SLC16A12: variants seen among roughly 807,000 people sequenced by gnomAD.
SLC16A12 encodes solute carrier family 16 member 12.
In SLC16A12, 17 loss-of-function variants were observed where a neutral mutation model predicts 42.4. That is an observed-to-expected ratio of 0.40 (90% CI 0.27 to 0.60). The LOEUF (loss-of-function observed/expected upper bound fraction) is 0.60, where lower values mean the gene tolerates loss of function less well. Among genes scored for constraint, SLC16A12 ranks in the 20% least tolerant of loss-of-function variants. The probability of loss-of-function intolerance (pLI) is 0.42; values close to 1 mark genes in which losing one functional copy is unlikely to be tolerated. For missense variants in SLC16A12, 544 were observed against 623.0 expected (o/e 0.87, Z 1.35); for synonymous variants, 224 against 229.4 (o/e 0.98, Z 0.21).
intron 2 of SLC16A12, among the ~76,000 whole-genome samples, chr10:89,519,431 T>A (rs1843313540): frequency 6.6e-6 from 1 of 152,164 alleles, no homozygotes; most frequent in Non-Finnish European, 1.5e-5. Flanking sequence ...CACTTCGTTT[T>A]CCACGTCAAT....
intron 2 of SLC16A12, among the ~76,000 whole-genome samples, chr10:89,496,186 G>C (rs1303224987): frequency 6.6e-6 from 1 of 151,810 alleles, no homozygotes; most frequent in Non-Finnish European, 1.5e-5. Flanking sequence ...TTCAGGGCAT[G>C]AAAGAACATA....
chr10:89,443,498 C>A (rs796530595), intron 4 of SLC16A12, among the ~76,000 whole-genome samples: 5 of 152,294 alleles, frequency 3.3e-5, no homozygotes, highest in African/African-American at 1.2e-4. Context: ...TATGGAAGAA[C>A]CAAATCTTAC....
chr10:89,480,696 A>G (rs1046733458), intron 2 of SLC16A12, among the ~76,000 whole-genome samples: 4 of 152,160 alleles, frequency 2.6e-5, no homozygotes, highest in African/African-American at 9.6e-5. Context: ...GTACACACAT[A>G]TTTCTTTTCT....
At chr10:89,483,056 G>T (rs1842691713) in intron 2 of SLC16A12, among the ~76,000 whole-genome samples, 1 of 152,170 alleles carries the variant, frequency 6.6e-6, no homozygotes, top group Admixed American at 6.5e-5. Context: ...TAAGGTGTCA[G>T]CAAATTCAGT....
intron 2 of SLC16A12, among the ~76,000 whole-genome samples, chr10:89,543,461 C>T (rs1843727181): frequency 6.6e-6 from 1 of 152,136 alleles, no homozygotes; most frequent in South Asian, 2.1e-4. Context: ...ACTTCATTTT[C>T]CTCATTTATA....
intron 2 of SLC16A12, among the ~76,000 whole-genome samples, chr10:89,473,011 G>GT (rs1842525213): frequency 6.6e-6 from 1 of 151,548 alleles, no homozygotes; most frequent in Non-Finnish European, 1.5e-5. Flanking sequence ...TAGAGATGAG[G>GT]TTTCACTATG....
chr10:89,493,719 A>G (rs371520393), intron 2 of SLC16A12, among the ~76,000 whole-genome samples: 4 of 152,216 alleles, frequency 2.6e-5, no homozygotes, highest in Non-Finnish European at 4.4e-5. Flanking sequence ...CTTTCCATAT[A>G]GTTATACTAC....
chr10:89,526,463 G>A (rs1043865644), intron 2 of SLC16A12, among the ~76,000 whole-genome samples: 2 of 152,160 alleles, frequency 1.3e-5, no homozygotes, highest in Non-Finnish European at 2.9e-5. Context: ...AGGCATCAAA[G>A]TTATAAAGTT....
At chr10:89,514,206 G>A (rs1213663948) in intron 2 of SLC16A12, among the ~76,000 whole-genome samples, 2 of 152,230 alleles carry the variant, frequency 1.3e-5, no homozygotes, top group African/African-American at 2.4e-5. Flanking sequence ...TTGCAGGTAG[G>A]TGGAAGAAGA....
At chr10:89,529,781 C>T (rs1409914787) in intron 2 of SLC16A12, among the ~76,000 whole-genome samples, 1 of 152,112 alleles carries the variant, frequency 6.6e-6, no homozygotes, top group Non-Finnish European at 1.5e-5. Flanking sequence ...CTCCTGACCT[C>T]AGGTGATCCA....
At chr10:89,523,816 C>A (rs1316328475) in intron 2 of SLC16A12, among the ~76,000 whole-genome samples, 1 of 152,196 alleles carries the variant, frequency 6.6e-6, no homozygotes, top group Non-Finnish European at 1.5e-5. Context: ...GGCAGTGAAG[C>A]TATAAAGAAT....
intron 2 of SLC16A12, among the ~76,000 whole-genome samples, chr10:89,504,894 A>G (rs1372706692): frequency 6.6e-6 from 1 of 152,172 alleles, no homozygotes; most frequent in Non-Finnish European, 1.5e-5. Flanking sequence ...CGAGCACCAG[A>G]GCATGATCGG....
At chr10:89,498,357 T>G (rs1842952804) in intron 2 of SLC16A12, among the ~76,000 whole-genome samples, 1 of 152,094 alleles carries the variant, frequency 6.6e-6, no homozygotes, top group South Asian at 2.1e-4. Flanking sequence ...AAGGAAACAT[T>G]TCTAGTGCAA....
rs1213337544 is a variant in SLC16A12 at position 89,525,045 on chromosome 10, C to T, written c.-47+9456G>A. Among the ~76,000 whole-genome samples the T allele has an allele frequency of 2.6e-5, 4 of 151,938 alleles. No individual in the cohort carries two copies. In the East Asian group the frequency reaches 5.8e-4, roughly 22 times the overall value. ...CCAGCCTGGGCAACATGGTGAAACC[C>T]CGTCTCTACTAAAATACAAAAAAAA... On this transcript the variant is annotated intron_variant, in intron 2 of 7. Coordinates refer to ENST00000371790, the MANE Select transcript of SLC16A12 (RefSeq NM_213606.4).
At chr10:89,493,218 T>C (rs986844896) in intron 2 of SLC16A12, among the ~76,000 whole-genome samples, 13 of 146,888 alleles carry the variant, frequency 8.9e-5, no homozygotes, top group African/African-American at 3.2e-4. Context: ...CTTTTTTCTT[T>C]CTTTTTTTTT....
At chr10:89,516,652 CT>C (rs1356102176) in intron 2 of SLC16A12, among the ~76,000 whole-genome samples, 1 of 152,212 alleles carries the variant, frequency 6.6e-6, no homozygotes, top group African/African-American at 2.4e-5. Flanking sequence ...AAACTTAACT[CT>C]ATCTGGACAG....
intron 3 of SLC16A12, among the ~76,000 whole-genome samples, chr10:89,449,116 A>G (rs940794930): frequency 6.6e-6 from 1 of 152,232 alleles, no homozygotes; most frequent in African/African-American, 2.4e-5. Flanking sequence ...GAGGACACAA[A>G]CAAATGGAAT....
intron 2 of SLC16A12, among the ~76,000 whole-genome samples, chr10:89,550,655 C>G (rs1276890651): frequency 6.6e-6 from 1 of 151,858 alleles, no homozygotes; most frequent in African/African-American, 2.4e-5. Context: ...CATGGCCCCA[C>G]CCCCGCCTTT....
At chr10:89,549,930 T>C (rs982763369) in intron 2 of SLC16A12, among the ~76,000 whole-genome samples, 4 of 152,132 alleles carry the variant, frequency 2.6e-5, no homozygotes, top group African/African-American at 7.2e-5. Flanking sequence ...CCTCTTTCCT[T>C]TCTCCCTCTT....
Sources: gnomAD v4.1 joint callset for allele counts (sites outside exome capture counted in the v4.1 genomes callset) on GRCh38, gnomAD v4.1.1 for gene constraint, MANE v1.5 for transcripts, NCBI Gene and HGNC (gene_info 2026-07-23, HGNC 2026-07-21) for gene names.